Variants in MEGF6 observed in about 807,000 individuals in gnomAD.
MEGF6 encodes multiple epidermal growth factor-like domains protein 6.
In MEGF6, 184 loss-of-function variants were observed where a neutral mutation model predicts 207.1. The observed-to-expected ratio is 0.89, with a 90% confidence interval of 0.79 to 1.00. The LOEUF is 1.00. Ranked by LOEUF, MEGF6 falls within the 50% of genes least tolerant of loss-of-function variation. The probability of loss-of-function intolerance (pLI) is 0.00; values close to 1 mark genes in which losing one functional copy is unlikely to be tolerated. For synonymous variants in MEGF6, 1,038 were observed against 910.0 expected (o/e 1.14, Z -2.53); for missense variants, 2,282 against 2,202.9 (o/e 1.04, Z -0.72).
chr1:3,501,897 AC>A lies in MEGF6; in HGVS notation c.2212del (p.Val738Ter). 1 of 1,600,096 alleles carries A rather than the reference AC, an allele frequency of 6.2e-7. No individual in the cohort carries two copies. Among genetic ancestry groups the A allele is most frequent in the East Asian group, 2.3e-5 (1 of 43,346 alleles). ...ACAGGAGCAGGAGCTCGAGCAGTTC[AC>A]GCCAAACGTCCCCACCGGGCACTCT... ...GQECPVGTFG[V>X]NCSSSCSCGG... On this transcript the variant is annotated frameshift_variant, in exon 18 of 37. Transcript: ENST00000356575. LOFTEE classifies it high-confidence loss of function.
In MEGF6 at chr1:3,560,729, G is replaced by A. The variant is rs1183731583; in HGVS notation, c.481+19096C>T. 6.4e-6 allele frequency: 3 copies of A among 465,146 alleles called. No individual in the cohort carries two copies. Among genetic ancestry groups the A allele is most frequent in the Non-Finnish European group, 1.3e-5 (3 of 224,080 alleles). 28.8% of individuals were successfully genotyped at this position (465,146 alleles called of 1,614,324 possible). A position where few individuals can be genotyped will look rare whatever the true frequency, so the allele number is the denominator to read the frequency against. On this transcript the variant is annotated intron_variant, in intron 4 of 36. Transcript: ENST00000356575. This position sits in a 1 kb window ranked among gnomAD's most constrained non-coding sequence, Gnocchi z 4.0. Reference sequence around the variant, plus strand: ...CAACCCTGGAAACCAAGAGTGGGTCGCCTAGAAACGGTCAGACTGGCCCCA... The same window carrying A: ...CAACCCTGGAAACCAAGAGTGGGTCACCTAGAAACGGTCAGACTGGCCCCA...
At chr1:3,534,656 C>T (rs142734813) in intron 4 of MEGF6, among the ~76,000 whole-genome samples, 26 of 152,294 alleles carry the variant, frequency 1.7e-4, no homozygotes, top group East Asian at 5.8e-4. Flanking sequence ...CCCAAGGCCA[C>T]GCAGAGACCC....
intron 3 of MEGF6, among the ~76,000 whole-genome samples, chr1:3,585,296 TG>T (rs1643877195): frequency 7.0e-6 from 1 of 142,778 alleles, no homozygotes; most frequent in Non-Finnish European, 1.5e-5. Context: ...TGTGTGTGGG[TG>T]TGCGGACGCA....
At position 3,499,591 on chromosome 1, in the gene MEGF6, C is replaced by T. The variant is rs749474493; in HGVS notation, c.2962G>A (p.Glu988Lys). 16 of 1,577,794 alleles carry T rather than the reference C, an allele frequency of 1.0e-5. No homozygotes were observed. The highest frequency in any genetic ancestry group is 2.7e-5 in the African/African-American group (2 of 74,568). Residue 988 changes from glutamate (E) to lysine (K), a missense_variant, in exon 23 of 37, where the codon GAG (glutamate) becomes AAG (lysine). By Grantham distance (56) the Glu-to-Lys change is moderately conservative. Transcript: ENST00000356575. ...PAGRRGPRCA[E>K]TCPAHTYGHN... ...GCTGAGCAGGGACCTCACGCACTCT[C>T]GGCACAGCGGGGGCCCCGGCGGCCA...
chr1:3,523,081 G>GT (rs1002971876), intron 5 of MEGF6, among the ~76,000 whole-genome samples: 2 of 152,076 alleles, frequency 1.3e-5, no homozygotes, highest in African/African-American at 4.8e-5. Flanking sequence ...TGCCGGGGGG[G>GT]GGGCCCCAGG....
At chr1:3,618,468 A>G in the MEGF6 span, among the ~76,000 whole-genome samples, 1 of 151,994 alleles carries the variant, frequency 6.6e-6, no homozygotes, top group Admixed American at 6.5e-5. The surrounding 1 kb of genome is among the most constrained non-coding windows in gnomAD (Gnocchi z 4.7). Context: ...GCGCAAAACC[A>G]TCCTCCTGCT....
At chr1:3,606,510 G>A (rs1644251385) in intron 1 of MEGF6, among the ~76,000 whole-genome samples, 1 of 152,190 alleles carries the variant, frequency 6.6e-6, no homozygotes, top group African/African-American at 2.4e-5. Flanking sequence ...CCTGTAAAAT[G>A]AGGACTCACA....
rs201618315 is a variant in MEGF6, at chr1:3,497,271, C to A, written c.3443G>T (p.Arg1148Leu). 4.1e-4 allele frequency: 633 copies of A among 1,547,456 alleles called. 1 individual carries two copies. Among genetic ancestry groups the A allele is most frequent in the Non-Finnish European group, 4.4e-4 (510 of 1,149,152 alleles). ...GGAGCCAGTGAAGCCAGGGGGACAG[C>A]GGCAGGCCCCAGTGACGTGGTGGCA... ...AACHHVTGAC[R>L]CPPGFTGSGC... Residue 1148 changes from arginine to leucine, a missense_variant, in exon 27 of 37, where the codon CGC becomes CTC. Arg to Leu is a moderately radical substitution (Grantham distance 102). Coordinates refer to ENST00000356575, the MANE Select transcript of MEGF6 (RefSeq NM_001409.4).
intron 4 of MEGF6, among the ~76,000 whole-genome samples, chr1:3,563,477 T>C (rs896656960): frequency 2.6e-5 from 4 of 152,144 alleles, no homozygotes; most frequent in African/African-American, 9.7e-5. Flanking sequence ...GCCTCCCCAC[T>C]GGACTGTAGG....
chr1:3,555,512 C>A (rs369697283), intron 4 of MEGF6, among the ~76,000 whole-genome samples: 1 of 152,236 alleles, frequency 6.6e-6, no homozygotes, highest in African/African-American at 2.4e-5. Context: ...TTAATGTGGG[C>A]GGCTCAGAAA....
At chr1:3,527,875 T>C (rs1263387088) in intron 4 of MEGF6, among the ~76,000 whole-genome samples, 1 of 152,140 alleles carries the variant, frequency 6.6e-6, no homozygotes, top group Non-Finnish European at 1.5e-5. Context: ...CCCAGCCGGG[T>C]TCGGCTCCAC....
intron 4 of MEGF6, among the ~76,000 whole-genome samples, chr1:3,578,864 C>A (rs57382723): frequency 0.015 from 1,856 of 125,418 alleles, 76 homozygotes; most frequent in South Asian, 0.038. Flanking sequence ...TGGGGAGACC[C>A]AGCACCTCTG....
rs1473996711 is a variant in MEGF6, at chr1:3,493,664, G to A, written c.4387+107C>T. 7 of 1,441,464 alleles carry A rather than the reference G, an allele frequency of 4.9e-6. No homozygotes were observed. In the African/African-American group the frequency reaches 8.5e-5, roughly 17 times the overall value. The allele number at this position is 1,441,464 out of a possible 1,614,324, so 89.3% of individuals were successfully genotyped here. On this transcript the variant is annotated intron_variant, in intron 34 of 36. Transcript: ENST00000356575. The stretch of plus-strand genomic sequence containing the variant: ...GTCCAGGTGCAGAGGCAACAAGAGG[G>A]GTTGGTGGCCAGCCCAGGACTGGCA...
In MEGF6 at chr1:3,610,473, C is replaced by CCCTCCT. The variant is rs879724888; in HGVS notation, c.131+659_131+664dup. Among the ~76,000 whole-genome samples, 18 of 146,450 alleles carry CCCTCCT rather than the reference C, an allele frequency of 1.2e-4. 1 individual carries two copies. Among genetic ancestry groups the CCCTCCT allele is most frequent in the East Asian group, 6.3e-4 (3 of 4,798 alleles). On this transcript the variant is annotated intron_variant, in intron 1 of 36. Transcript: ENST00000356575. Reference sequence around the variant, plus strand: ...TGCTGGGTGGGGGCGCCAGCGACTCCCCTCCTCCTCCTCCTCCTCCTCCTC... The same window carrying CCCTCCT: ...TGCTGGGTGGGGGCGCCAGCGACTCCCCTCCTCCTCCTCCTCCTCCTCCTCCTCCTC...
chr1:3,499,103 G>A (rs1319475047), intron 24 of MEGF6, 35 bp downstream of exon 24: 6 of 1,594,230 alleles, frequency 3.8e-6, no homozygotes, highest in Admixed American at 1.7e-5. Context: ...GCTCAGGCCT[G>A]GACCCCGGTC....
At position 3,556,480 on chromosome 1, in the gene MEGF6, AG is replaced by A. The variant is rs1190988102; in HGVS notation, c.481+23344del. Among the ~76,000 whole-genome samples the A allele has an allele frequency of 3.9e-5, 6 of 152,170 alleles. No homozygotes were observed. The highest frequency in any genetic ancestry group is 1.4e-4 in the African/African-American group (6 of 41,426). ...GTAGGAGAAACCTCGGCAAAGCAAGAGACGCCCTGGGCCTCCTCTCGGCCGC... is the reference window on the plus strand; with the variant it reads ...GTAGGAGAAACCTCGGCAAAGCAAGAACGCCCTGGGCCTCCTCTCGGCCGC... On this transcript the variant is annotated intron_variant, in intron 4 of 36. Coordinates refer to ENST00000356575, the MANE Select transcript of MEGF6 (RefSeq NM_001409.4). This position sits in a 1 kb window ranked among gnomAD's most constrained non-coding sequence, Gnocchi z 4.4.
Position 3,592,612 on chromosome 1 carries a change from A to G in MEGF6, c.376+2726T>C, listed in dbSNP as rs572596947. On this transcript the variant is annotated intron_variant, in intron 3 of 36. Transcript: ENST00000356575. ...AAACAATTGAGTGACCAAATAAATG[A>G]ATGACTCTGTGGCTAGCACAGGACG... is the stretch of plus-strand genomic sequence containing the variant. 5.9e-5 allele frequency among the ~76,000 whole-genome samples: 9 copies of G among 152,168 alleles called. No homozygotes were observed. The South Asian group carries it at 1.9e-3, about 32-fold the overall frequency.
At position 3,556,686 on chromosome 1, in the gene MEGF6, T is replaced by C. The variant is rs1360130804; in HGVS notation, c.481+23139A>G. Among the ~76,000 whole-genome samples, 2 of 152,114 alleles carry C rather than the reference T, an allele frequency of 1.3e-5. No individual in the cohort carries two copies. The highest frequency in any genetic ancestry group is 2.9e-5 in the Non-Finnish European group (2 of 68,016). On this transcript the variant is annotated intron_variant, in intron 4 of 36. Coordinates refer to ENST00000356575, the MANE Select transcript of MEGF6 (RefSeq NM_001409.4). This position sits in a 1 kb window ranked among gnomAD's most constrained non-coding sequence, Gnocchi z 4.4. ...GACTGCAGGCAGCTTAAGAGCTCCA[T>C]TGTGGACAAGGGGTGGCACGTACGT... is the stretch of plus-strand genomic sequence containing the variant.
At chr1:3,576,565 A>G (rs1481958018) in intron 4 of MEGF6, among the ~76,000 whole-genome samples, 1 of 151,986 alleles carries the variant, frequency 6.6e-6, no homozygotes, top group Admixed American at 6.5e-5. Flanking sequence ...TGGAGGAGGG[A>G]CAGGAAGGTG....
Sources: gnomAD v4.1 joint callset for allele counts (sites outside exome capture counted in the v4.1 genomes callset) on GRCh38, gnomAD v4.1.1 for gene constraint, Gnocchi (gnomAD v3.1) non-coding constraint, MANE v1.5 for transcripts, NCBI Gene and HGNC (gene_info 2026-07-23, HGNC 2026-07-21) for gene names.